BNC1: variants seen among roughly 807,000 people sequenced by gnomAD.
BNC1 encodes basonuclin zinc finger protein 1.
In BNC1, 8 loss-of-function variants were observed where a neutral mutation model predicts 66.5. The ratio of observed to expected loss-of-function variants is 0.12; its 90% confidence interval spans 0.07 to 0.22. The LOEUF (loss-of-function observed/expected upper bound fraction) is 0.22. BNC1 is among the 10% of genes least tolerant of loss of function. The pLI is 1.00. For synonymous variants in BNC1, 454 were observed against 452.6 expected (o/e 1.00, Z -0.04); for missense variants, 1,069 against 1,241.3 (o/e 0.86, Z 2.09).
Position 83,256,496 on chromosome 15 carries a change from C to G in BNC1, c.*946G>C, listed in dbSNP as rs1199458398. ...ATCCAGTGATACTGAAAATACACAA[C>G]AACCATCAGAACCACATTATCTACG... On this transcript the variant is annotated 3_prime_UTR_variant, in exon 5 of 5. Coordinates refer to ENST00000345382, the MANE Select transcript of BNC1 (RefSeq NM_001717.4). The G allele has an allele frequency of 1.3e-5, 2 of 152,580 alleles. No homozygotes were observed. The highest frequency in any genetic ancestry group is 4.8e-5 in the African/African-American group (2 of 41,442). 9.5% of individuals were successfully genotyped at this position (152,580 alleles called of 1,614,324 possible).
Position 83,284,510 on chromosome 15 carries a change from G to T in BNC1, c.99+20C>A. 1.7e-6 allele frequency: 2 copies of T among 1,196,042 alleles called. No homozygotes were observed. The highest frequency in any genetic ancestry group is 1.9e-5 in the South Asian group (1 of 52,504). 74.1% of individuals were successfully genotyped at this position (1,196,042 alleles called of 1,614,324 possible). A position where few individuals can be genotyped will look rare whatever the true frequency, so the allele number is the denominator to read the frequency against. ...CCGCGCACAGAGAATCCCCGCGCCC[G>T]CGGAGGGCGCCGCGCTTACCTCGGC... On this transcript the variant is annotated intron_variant, in intron 1 of 4. Coordinates refer to ENST00000345382, the MANE Select transcript of BNC1 (RefSeq NM_001717.4).
Position 83,270,235 on chromosome 15 carries a change from C to T in BNC1, c.100-2003G>A, listed in dbSNP as rs545138792. 3.6e-4 allele frequency among the ~76,000 whole-genome samples: 55 copies of T among 152,310 alleles called. 1 individual carries two copies. The South Asian group carries it at 8.5e-3, about 24-fold the overall frequency. ...AGGTGTACAATTCAATGATTTTTAG[C>T]ATATTCACAGAGTTATGCAACCATC... On this transcript the variant is annotated intron_variant, in intron 1 of 4. Transcript: ENST00000345382.
chr15:83,264,207 A>G lies in BNC1; in HGVS notation c.1044T>C (p.Asn348=), dbSNP rs774487854. The change falls in exon 4 of 5, where the codon AAT becomes AAC. Residue 348 remains asparagine, a synonymous_variant. Transcript: ENST00000345382. ...SPEAKVKPER[N]SLGTKKGRVF... is the part of the protein sequence containing the mutation. Reference sequence around the variant, plus strand: ...CCCGGCCCTTCTTTGTACCAAGGCTATTCCTCTCAGGCTTCACTTTGGCCT... The same window carrying G: ...CCCGGCCCTTCTTTGTACCAAGGCTGTTCCTCTCAGGCTTCACTTTGGCCT... 5 of 1,614,190 alleles carry G rather than the reference A, an allele frequency of 3.1e-6. No individual in the cohort carries two copies. The East Asian group carries it at 8.9e-5, about 29-fold the overall frequency.
intron 1 of BNC1, among the ~76,000 whole-genome samples, chr15:83,277,636 T>G (rs528190048): frequency 6.6e-6 from 1 of 152,142 alleles, no homozygotes; most frequent in African/African-American, 2.4e-5. Context: ...ACTTTTTAAA[T>G]GTTGAATATA....
Position 83,256,585 on chromosome 15 carries a change from A to G in BNC1, c.*857T>C, listed in dbSNP as rs975842415. On this transcript the variant is annotated 3_prime_UTR_variant, in exon 5 of 5. Coordinates refer to ENST00000345382, the MANE Select transcript of BNC1 (RefSeq NM_001717.4). ...GCATTCATTCCACAGGTGACCAAAA[A>G]GAACAGAGTTTGAAGTTCACCAAAT... 3 of 152,290 alleles carry G rather than the reference A, an allele frequency of 2.0e-5. No individual in the cohort carries two copies. Among genetic ancestry groups the G allele is most frequent in the Admixed American group, 6.5e-5 (1 of 15,290 alleles). 9.4% of individuals were successfully genotyped at this position (152,290 alleles called of 1,614,324 possible).
At chr15:83,266,343 A>G (rs547241629) in intron 3 of BNC1, among the ~76,000 whole-genome samples, 4 of 152,166 alleles carry the variant, frequency 2.6e-5, no homozygotes, top group Non-Finnish European at 5.9e-5. Context: ...ATACATGAAC[A>G]CAGAAATATA....
Position 83,284,607 on chromosome 15 carries a change from G to A in BNC1, c.22C>T (p.Arg8Trp), listed in dbSNP as rs1438726014. 2 of 1,005,494 alleles carry A rather than the reference G, an allele frequency of 2.0e-6. No individual in the cohort carries two copies. Among genetic ancestry groups the A allele is most frequent in the East Asian group, 1.0e-4 (1 of 9,684 alleles). The allele number at this position is 1,005,494 out of a possible 1,614,324, so 62.3% of individuals were successfully genotyped here. Residue 8 changes from arginine to tryptophan, a missense_variant, in exon 1 of 5, where the codon CGG becomes TGG. Around this residue, in one of 7 missense-constraint regions of BNC1, gnomAD observed 78 missense variants for 80.9 expected, o/e 0.96. Coordinates refer to ENST00000345382, the MANE Select transcript of BNC1 (RefSeq NM_001717.4). Reference sequence around the variant, plus strand: ...GCCCGGGCCGCCCCGCGTCCGCCCCGGCTCGGCGGGCGCCGCCGCATCCAC... The same window carrying A: ...GCCCGGGCCGCCCCGCGTCCGCCCCAGCTCGGCGGGCGCCGCCGCATCCAC... MRRRPPS[R>W]GGRGAARARE... is the part of the protein sequence containing the mutation.
chr15:83,264,322 G>T lies in BNC1; in HGVS notation c.929C>A (p.Ala310Asp). The T allele has an allele frequency of 6.2e-7, 1 of 1,614,074 alleles. No individual in the cohort carries two copies. The highest frequency in any genetic ancestry group is 8.5e-7 in the Non-Finnish European group (1 of 1,180,008). The stretch of plus-strand genomic sequence containing the variant: ...GGTGCTGTCTTCTTTTTTAGTAATA[G>T]CATCCGGACAGTTTAAACACTGATC... ...EKDQCLNCPDAITKKEDSTHL... is the reference protein window; with the variant it reads ...EKDQCLNCPDDITKKEDSTHL... Residue 310 changes from alanine to aspartate, a missense_variant, in exon 4 of 5, where the codon GCT becomes GAT. Ala to Asp is a moderately radical substitution (Grantham distance 126, BLOSUM62 -2). Transcript: ENST00000345382.
chr15:83,271,025 T>C (rs955760928), intron 1 of BNC1, among the ~76,000 whole-genome samples: 1 of 152,112 alleles, frequency 6.6e-6, no homozygotes, highest in Non-Finnish European at 1.5e-5. Flanking sequence ...CCTGTAATCC[T>C]AGCATTCTGG....
Position 83,262,979 on chromosome 15 carries a change from T to A in BNC1, c.2272A>T (p.Thr758Ser). The change falls in exon 4 of 5, where the codon ACC becomes TCC. Residue 758 changes from threonine (T) to serine (S), a missense_variant. Around this residue, in one of 7 missense-constraint regions of BNC1, gnomAD observed 657 missense variants for 715.8 expected, o/e 0.92. Coordinates refer to ENST00000345382, the MANE Select transcript of BNC1 (RefSeq NM_001717.4). ...TCTCTGCTCCTGCGGGAGGGAAAGG[T>A]AGCATTACAGCCCTCCACTGTGCAT... is the stretch of plus-strand genomic sequence containing the variant. The part of the protein sequence containing the change: ...HTCTVEGCNA[T>S]FPSRRSRDRH... The A allele has an allele frequency of 6.2e-7, 1 of 1,610,542 alleles. No individual in the cohort carries two copies. Among genetic ancestry groups the A allele is most frequent in the Non-Finnish European group, 8.5e-7 (1 of 1,177,788 alleles).
intron 1 of BNC1, among the ~76,000 whole-genome samples, chr15:83,269,704 A>T (rs1479530427): frequency 6.6e-6 from 1 of 152,214 alleles, no homozygotes; most frequent in Non-Finnish European, 1.5e-5. Flanking sequence ...TTACTATATG[A>T]CCCAGAAATT....
chr15:83,270,932 A>G (rs1234677213), intron 1 of BNC1, among the ~76,000 whole-genome samples: 2 of 152,130 alleles, frequency 1.3e-5, no homozygotes, highest in Non-Finnish European at 2.9e-5. Context: ...TCAACTGTAC[A>G]CTCTGTAAGT....
chr15:83,278,539 CAACT>C (rs1220072967), intron 1 of BNC1, among the ~76,000 whole-genome samples: 20 of 152,064 alleles, frequency 1.3e-4, no homozygotes, highest in Non-Finnish European at 2.5e-4. Flanking sequence ...GCTAGGAAAC[CAACT>C]AACTATTCTG....
chr15:83,284,608 G>C lies in BNC1; in HGVS notation c.21C>G (p.Ser7Arg), dbSNP rs1488105153. The stretch of plus-strand genomic sequence containing the variant: ...CCCGGGCCGCCCCGCGTCCGCCCCG[G>C]CTCGGCGGGCGCCGCCGCATCCACG... MRRRPP[S>R]RGGRGAARAR... is the part of the protein sequence containing the mutation. The change falls in exon 1 of 5, where the codon AGC (serine) becomes AGG (arginine). Residue 7 changes from serine to arginine, a missense_variant. By Grantham distance (110) the Ser-to-Arg change is moderately radical. This residue lies in a region of BNC1 where 78 missense variants were observed against 80.9 expected (regional missense o/e 0.96). Transcript: ENST00000345382. 9.9e-7 allele frequency: 1 copy of C among 1,005,668 alleles called. No individual in the cohort carries two copies. Among genetic ancestry groups the C allele is most frequent in the African/African-American group, 1.8e-5 (1 of 57,142 alleles). The allele number at this position is 1,005,668 out of a possible 1,614,324, so 62.3% of individuals were successfully genotyped here. A position where few individuals can be genotyped will look rare whatever the true frequency, so the allele number is the denominator to read the frequency against.
intron 1 of BNC1, chr15:83,283,044 C>G (rs1209754145): frequency 7.0e-7 from 1 of 1,430,134 alleles, no homozygotes; most frequent in Non-Finnish European, 9.5e-7. Context: ...GGGGACGTTA[C>G]CGAACCCCCG....
chr15:83,262,071 CAG>C (rs983686788), intron 4 of BNC1, among the ~76,000 whole-genome samples: 2 of 124,584 alleles, frequency 1.6e-5, no homozygotes, highest in Non-Finnish European at 3.2e-5. Context: ...TTTTTTGAGA[CAG>C]AGTCTCGCTC....
At chr15:83,275,876 A>G (rs2038316766) in intron 1 of BNC1, among the ~76,000 whole-genome samples, 1 of 150,142 alleles carries the variant, frequency 6.7e-6, no homozygotes, top group East Asian at 2.0e-4. Context: ...GGATTTTAAC[A>G]GTAAGCCTTT....
In BNC1 at chr15:83,284,512, G is replaced by A. The variant is rs1287434827; in HGVS notation, c.99+18C>T. The A allele has an allele frequency of 1.7e-6, 2 of 1,197,380 alleles. No homozygotes were observed. The highest frequency in any genetic ancestry group is 5.3e-5 in the East Asian group (1 of 18,706). The allele number at this position is 1,197,380 out of a possible 1,614,324, so 74.2% of individuals were successfully genotyped here. On this transcript the variant is annotated intron_variant, in intron 1 of 4. Coordinates refer to ENST00000345382, the MANE Select transcript of BNC1 (RefSeq NM_001717.4). ...GCGCACAGAGAATCCCCGCGCCCGC[G>A]GAGGGCGCCGCGCTTACCTCGGCCA...
Position 83,257,109 on chromosome 15 carries a change from C to T in BNC1, c.*333G>A, listed in dbSNP as rs1057433037. 6.3e-6 allele frequency: 2 copies of T among 316,936 alleles called. No individual in the cohort carries two copies. The highest frequency in any genetic ancestry group is 5.8e-6 in the Non-Finnish European group (1 of 172,824). The allele number at this position is 316,936 out of a possible 1,614,324, so 19.6% of individuals were successfully genotyped here. ...CACTGCAAGCCTCATTTAAAGCCAC[C>T]CCCAGGTCCTGGGCCCACTGGTGTC... On this transcript the variant is annotated 3_prime_UTR_variant, in exon 5 of 5. Transcript: ENST00000345382.
Sources: gnomAD v4.1 joint callset for allele counts (sites outside exome capture counted in the v4.1 genomes callset) on GRCh38, gnomAD v4.1.1 for gene constraint, gnomAD v4.1.1 regional missense constraint, MANE v1.5 for transcripts, NCBI Gene and HGNC (gene_info 2026-07-23, HGNC 2026-07-21) for gene names.